Variants in CCDC187 observed in about 807,000 individuals in gnomAD.
CCDC187 encodes coiled-coil domain-containing protein 187.
In CCDC187, 32 loss-of-function variants were observed where a neutral mutation model predicts 38.0. That is an observed-to-expected ratio of 0.84 (90% CI 0.64 to 1.13). CCDC187 has a LOEUF of 1.13. Among genes scored for constraint, CCDC187 ranks in the 50% most tolerant of loss-of-function variants. The pLI is 0.00. For synonymous variants in CCDC187, 333 were observed against 347.9 expected, an observed-to-expected ratio of 0.96 and a Z score of 0.48; for missense variants, 707 against 786.8, an observed-to-expected ratio of 0.90 and a Z score of 1.21.
chr9:136,268,743 A>T (rs62579925), intron 14 of CCDC187, among the ~76,000 whole-genome samples: 16,391 of 152,028 alleles, frequency 0.11, 1,187 homozygotes, highest in Admixed American at 0.2. Context: ...ACATATATAT[A>T]TATTTTTTCA....
chr9:136,250,730 A>G lies in CCDC187; in HGVS notation c.*2864T>C, dbSNP rs1001706574. 1.5e-5 allele frequency: 7 copies of G among 456,164 alleles called. No homozygotes were observed. The highest frequency in any genetic ancestry group is 1.4e-4 in the East Asian group (2 of 14,404). The allele number at this position is 456,164 out of a possible 1,614,324, so 28.3% of individuals were successfully genotyped here. A position where few individuals can be genotyped will look rare whatever the true frequency, so the allele number is the denominator to read the frequency against. The stretch of plus-strand genomic sequence containing the variant: ...CAGGAGCTGGTGCAAAATCAGATGC[A>G]TGGCCCGAGCTGGGCTTCCTGTGCA... On this transcript the variant is annotated 3_prime_UTR_variant, in exon 26 of 26. Transcript: ENST00000638797.
Position 136,251,090 on chromosome 9 carries a change from GC to G in CCDC187, c.*2503del, listed in dbSNP as rs782488352. ...CTCTCTGAAGTGGAGGAGGCCTGAG[GC>G]CCTGGACAGGAGAAGCCACATCCTG... On this transcript the variant is annotated 3_prime_UTR_variant, in exon 26 of 26. Coordinates refer to ENST00000638797, the MANE Select transcript of CCDC187 (RefSeq NM_001378188.1). 13 of 451,594 alleles carry G rather than the reference GC, an allele frequency of 2.9e-5. No individual in the cohort carries two copies. Among genetic ancestry groups the G allele is most frequent in the Non-Finnish European group, 5.8e-5 (13 of 223,174 alleles). 28.0% of individuals were successfully genotyped at this position (451,594 alleles called of 1,614,324 possible).
chr9:136,255,224 G>A, intron 25 of CCDC187, 90 bp from the exon 26 acceptor site: 1 of 609,318 alleles, frequency 1.6e-6, no homozygotes, highest in Non-Finnish European at 2.1e-6. Context: ...GGTCAGAACA[G>A]AGAAACACCC....
chr9:136,276,529 G>A (rs886556866), intron 11 of CCDC187, 122 bp downstream of exon 11: 3 of 152,256 alleles, frequency 2.0e-5, no homozygotes, highest in South Asian at 2.1e-4. Flanking sequence ...CGGCCACTCT[G>A]TTTCTAAATT....
At chr9:136,266,622 C>T (rs375537037) in intron 16 of CCDC187, 3 of 152,208 alleles carry the variant, frequency 2.0e-5, no homozygotes, top group Admixed American at 6.5e-5. Context: ...CCGGGACAAG[C>T]GAAGGGAGTT....
intron 3 of CCDC187, among the ~76,000 whole-genome samples, chr9:136,299,360 A>C (rs1255585788): frequency 6.6e-6 from 1 of 152,064 alleles, no homozygotes; most frequent in Non-Finnish European, 1.5e-5. Context: ...ACCGACCTGG[A>C]CCCACCCGGC....
chr9:136,294,647 C>T (rs1055688767), intron 4 of CCDC187, among the ~76,000 whole-genome samples: 1 of 152,226 alleles, frequency 6.6e-6, no homozygotes, highest in Non-Finnish European at 1.5e-5. Flanking sequence ...CCTCACACTG[C>T]CCTGACCCCT....
intron 14 of CCDC187, among the ~76,000 whole-genome samples, chr9:136,271,248 G>T (rs1482683995): frequency 6.6e-6 from 1 of 152,320 alleles, no homozygotes; most frequent in South Asian, 2.1e-4. Context: ...TGGTCTGGGC[G>T]TGGTGGCTCC....
intron 15 of CCDC187, 24 bp from the exon 16 acceptor site, chr9:136,267,535 C>T: frequency 2.0e-6 from 2 of 985,734 alleles, no homozygotes; most frequent in South Asian, 9.4e-5. Flanking sequence ...CGGCCCAAGG[C>T]CCCTAAAGCT....
intron 25 of CCDC187, 40 bp downstream of exon 25, chr9:136,255,617 A>G: frequency 1.1e-6 from 1 of 920,530 alleles, no homozygotes. Flanking sequence ...CTTAGTGGGG[A>G]CTCGATGGCT....
At chr9:136,277,645 A>G (rs1013234697) in intron 10 of CCDC187, among the ~76,000 whole-genome samples, 3,234 of 152,238 alleles carry the variant, frequency 0.021, 119 homozygotes, top group African/African-American at 0.073. Flanking sequence ...TGAAGTCCCC[A>G]GCAGCAGCGG....
chr9:136,283,236 A>G (rs1831088672), intron 9 of CCDC187, among the ~76,000 whole-genome samples: 1 of 152,194 alleles, frequency 6.6e-6, no homozygotes, highest in Non-Finnish European at 1.5e-5. Flanking sequence ...GCGACAGAGC[A>G]AGACTCCATC....
chr9:136,254,654 G>C lies in CCDC187; in HGVS notation c.5174C>G (p.Ala1725Gly). The C allele has an allele frequency of 1.0e-6, 1 of 985,562 alleles. No homozygotes were observed. Among genetic ancestry groups the C allele is most frequent in the Non-Finnish European group, 1.2e-6 (1 of 830,026 alleles). 61.1% of individuals were successfully genotyped at this position (985,562 alleles called of 1,614,324 possible). A position where few individuals can be genotyped will look rare whatever the true frequency, so the allele number is the denominator to read the frequency against. The change falls in exon 26 of 26, where the codon GCA becomes GGA. Residue 1725 changes from alanine (A) to glycine (G), a missense_variant. Ala to Gly is a moderately conservative substitution (Grantham distance 60). Transcript: ENST00000638797. Reference sequence around the variant, plus strand: ...GCTTTGCTCCGGCGCTGAAACTTCTGCCATGGCCGTGTCCAAGGAGGAGCC... The same window carrying C: ...GCTTTGCTCCGGCGCTGAAACTTCTCCCATGGCCGTGTCCAAGGAGGAGCC... ...LRGSSLDTAMAEVSAPEQSPK... is the reference protein window; with the variant it reads ...LRGSSLDTAMGEVSAPEQSPK...
At chr9:136,293,412 C>T (rs1831416830) in intron 4 of CCDC187, among the ~76,000 whole-genome samples, 1 of 90,122 alleles carries the variant, frequency 1.1e-5, no homozygotes, top group Non-Finnish European at 2.4e-5. Context: ...CAAACACTCA[C>T]ATGCTCACAT....
intron 21 of CCDC187, 60 bp downstream of exon 21, chr9:136,259,303 G>C (rs555989873): frequency 3.4e-5 from 23 of 683,502 alleles, no homozygotes; most frequent in African/African-American, 1.6e-4. Flanking sequence ...AGAATGTTGG[G>C]GGGGGGTGGT....
chr9:136,293,206 AAC>A (rs1328348279), intron 4 of CCDC187, among the ~76,000 whole-genome samples: 215 of 89,136 alleles, frequency 2.4e-3, no homozygotes, highest in South Asian at 4.3e-3. Flanking sequence ...CACACTCACA[AAC>A]ACATGCTCAC....
At position 136,253,715 on chromosome 9, in the gene CCDC187, G is replaced by A. The variant is rs1554759880; in HGVS notation, c.6113C>T (p.Pro2038Leu). The change falls in exon 26 of 26, where the codon CCG (proline) becomes CTG (leucine). Residue 2038 changes from proline to leucine, a missense_variant. By Grantham distance (98) the Pro-to-Leu change is moderately conservative (BLOSUM62 -3). Coordinates refer to ENST00000638797, the MANE Select transcript of CCDC187 (RefSeq NM_001378188.1). ...TNPCSDAFPS[P>L]PSGPLEEDTA... ...GTCCTCCTCAAGGGGCCCCGAGGGC[G>A]GGGAAGGGAAGGCATCCGAGCATGG... 1.0e-5 allele frequency: 10 copies of A among 985,454 alleles called. No individual in the cohort carries two copies. Among genetic ancestry groups the A allele is most frequent in the Middle Eastern group, 5.2e-4 (1 of 1,936 alleles). The allele number at this position is 985,454 out of a possible 1,614,324, so 61.0% of individuals were successfully genotyped here. A position where few individuals can be genotyped will look rare whatever the true frequency, so the allele number is the denominator to read the frequency against.
intron 3 of CCDC187, among the ~76,000 whole-genome samples, chr9:136,299,798 G>T (rs977674019): frequency 6.6e-6 from 1 of 152,150 alleles, no homozygotes; most frequent in Non-Finnish European, 1.5e-5. Context: ...CTGTGGGCTG[G>T]GGGGGCAGTG....
intron 10 of CCDC187, among the ~76,000 whole-genome samples, chr9:136,280,368 A>G (rs1056887056): frequency 4.8e-4 from 73 of 152,266 alleles, no homozygotes; most frequent in African/African-American, 1.6e-3. Flanking sequence ...AGGGCTGCAG[A>G]GGCTCCCACA....
Sources: allele counts gnomAD v4.1 joint callset (sites outside exome capture counted in the v4.1 genomes callset), GRCh38; gene constraint gnomAD v4.1.1; transcripts MANE v1.5; gene names NCBI Gene and HGNC (gene_info 2026-07-23, HGNC 2026-07-21).